The following SUCLG2 variants were observed in gnomAD, a reference collection of about 807,000 sequenced individuals.
SUCLG2 encodes the protein succinate-CoA ligase GDP-forming subunit beta.
Under a neutral mutation model 47.9 loss-of-function variants are expected in SUCLG2, and 42 were observed. The ratio of observed to expected loss-of-function variants is 0.88; its 90% confidence interval spans 0.69 to 1.14. SUCLG2 has a LOEUF of 1.14. Ranked by LOEUF, SUCLG2 falls within the 50% of genes most tolerant of loss-of-function variation. The pLI, the probability that SUCLG2 is intolerant of heterozygous loss-of-function variation, is 0.00. For missense variants in SUCLG2, 571 were observed against 525.9 expected, an observed-to-expected ratio of 1.09 and a Z score of -0.84; for synonymous variants, 195 against 197.3, an observed-to-expected ratio of 0.99 and a Z score of 0.10.
intron 10 of SUCLG2, among the ~76,000 whole-genome samples, chr3:67,365,236 G>T (rs1331093908): frequency 6.6e-6 from 1 of 152,194 alleles, no homozygotes; most frequent in East Asian, 1.9e-4. Flanking sequence ...CTGGAAACTT[G>T]AAGATATAAT....
At chr3:67,460,309 T>A (rs1296588282) in intron 9 of SUCLG2, among the ~76,000 whole-genome samples, 1 of 152,190 alleles carries the variant, frequency 6.6e-6, no homozygotes, top group Non-Finnish European at 1.5e-5. Flanking sequence ...AATAATCACA[T>A]GATAGTACAA....
chr3:67,461,775 G>A (rs1575711788), intron 9 of SUCLG2, among the ~76,000 whole-genome samples: 1 of 152,070 alleles, frequency 6.6e-6, no homozygotes, highest in African/African-American at 2.4e-5. Context: ...GAGGTAGCAT[G>A]GCCCCCAGCT....
chr3:67,631,457 G>A (rs937571093), intron 1 of SUCLG2, among the ~76,000 whole-genome samples: 9 of 151,844 alleles, frequency 5.9e-5, no homozygotes, highest in Admixed American at 2.0e-4. Context: ...GTGAAACCCC[G>A]TCTCTACCAA....
At chr3:67,540,606 G>A (rs1294178689) in intron 2 of SUCLG2, among the ~76,000 whole-genome samples, 1 of 152,174 alleles carries the variant, frequency 6.6e-6, no homozygotes, top group African/African-American at 2.4e-5. Context: ...CAGAAGGGGC[G>A]GCTGTGGGCA....
intron 9 of SUCLG2, among the ~76,000 whole-genome samples, chr3:67,422,326 T>C (rs1326223462): frequency 6.6e-6 from 1 of 150,424 alleles, no homozygotes; most frequent in Non-Finnish European, 1.5e-5. Context: ...ACAAAAAAAA[T>C]TAGCTGGGCA....
intron 10 of SUCLG2, among the ~76,000 whole-genome samples, chr3:67,384,687 GA>G (rs898009530): frequency 2.0e-5 from 3 of 152,078 alleles, no homozygotes; most frequent in African/African-American, 7.3e-5. Flanking sequence ...ATATCTAGGA[GA>G]AAAAAACCCA....
At chr3:67,441,402 T>C (rs1703760823) in intron 9 of SUCLG2, among the ~76,000 whole-genome samples, 1 of 151,920 alleles carries the variant, frequency 6.6e-6, no homozygotes, top group East Asian at 1.9e-4. Context: ...AGTGTTGTGT[T>C]GAGTCTCCTG....
At chr3:67,569,853 C>G (rs1388381883) in intron 2 of SUCLG2, among the ~76,000 whole-genome samples, 1 of 151,986 alleles carries the variant, frequency 6.6e-6, no homozygotes, top group Non-Finnish European at 1.5e-5. Flanking sequence ...ATTTTACATG[C>G]AAGAGGAAAC....
intron 9 of SUCLG2, among the ~76,000 whole-genome samples, chr3:67,460,581 C>G (rs1434055874): frequency 6.6e-6 from 1 of 152,152 alleles, no homozygotes; most frequent in Admixed American, 6.6e-5. Flanking sequence ...AATCATTCCC[C>G]TGATGAGGTC....
chr3:67,588,710 A>T (rs1359804418), intron 2 of SUCLG2, among the ~76,000 whole-genome samples: 1 of 152,208 alleles, frequency 6.6e-6, no homozygotes, highest in African/African-American at 2.4e-5. Context: ...TAAATATATG[A>T]CCACTTTTTC....
chr3:67,413,392 C>G (rs1159002532), intron 9 of SUCLG2, among the ~76,000 whole-genome samples: 1 of 152,180 alleles, frequency 6.6e-6, no homozygotes, highest in Non-Finnish European at 1.5e-5. Context: ...GTCTTCCAGT[C>G]TGTCTAAAGA....
chr3:67,654,564 T>C lies in SUCLG2; in HGVS notation c.23A>G (p.Gln8Arg). ...TAGGGCTCGCAGAAGCTTCCCGGCC[T>C]GCGCTGCTACGGGGGACGCCATCTT... Reference protein sequence around the residue: MASPVAAQAGKLLRALAL... With the variant: MASPVAARAGKLLRALAL... The change falls in exon 1 of 11, where the codon CAG (glutamine) becomes CGG (arginine). Residue 8 changes from glutamine to arginine, a missense_variant. Coordinates refer to ENST00000307227, the MANE Select transcript of SUCLG2 (RefSeq NM_003848.4). 7.9e-7 allele frequency: 1 copy of C among 1,273,714 alleles called. No homozygotes were observed. 78.9% of individuals were successfully genotyped at this position (1,273,714 alleles called of 1,614,324 possible). A position where few individuals can be genotyped will look rare whatever the true frequency, so the allele number is the denominator to read the frequency against.
chr3:67,441,248 G>T (rs1356033316), intron 9 of SUCLG2, among the ~76,000 whole-genome samples: 2 of 151,964 alleles, frequency 1.3e-5, no homozygotes, highest in Non-Finnish European at 2.9e-5. Flanking sequence ...CTAGGGGAGG[G>T]ATAGCATTAG....
chr3:67,446,886 T>C (rs1439978445), intron 9 of SUCLG2, among the ~76,000 whole-genome samples: 1 of 152,194 alleles, frequency 6.6e-6, no homozygotes, highest in Non-Finnish European at 1.5e-5. Context: ...TAAAAAAAGA[T>C]TATCTATTAA....
intron 2 of SUCLG2, among the ~76,000 whole-genome samples, chr3:67,568,259 T>C (rs1312747147): frequency 3.3e-5 from 5 of 152,186 alleles, no homozygotes; most frequent in African/African-American, 1.2e-4. Flanking sequence ...CTGAGGGGCA[T>C]GGTTTTGGGC....
At chr3:67,424,139 T>C (rs1399854670) in intron 9 of SUCLG2, among the ~76,000 whole-genome samples, 1 of 152,238 alleles carries the variant, frequency 6.6e-6, no homozygotes, top group Admixed American at 6.5e-5. Context: ...AGGAACTCTT[T>C]TGTCACTGAT....
At chr3:67,584,286 A>C (rs1707954526) in intron 2 of SUCLG2, among the ~76,000 whole-genome samples, 1 of 152,208 alleles carries the variant, frequency 6.6e-6, no homozygotes, top group South Asian at 2.1e-4. Flanking sequence ...AAGTGAAGGA[A>C]GCTCGACACA....
At chr3:67,576,600 T>C (rs1225888496) in intron 2 of SUCLG2, among the ~76,000 whole-genome samples, 2 of 152,192 alleles carry the variant, frequency 1.3e-5, no homozygotes, top group African/African-American at 4.8e-5. Flanking sequence ...AAGAACACCC[T>C]CCGCTTGAGA....
intron 9 of SUCLG2, among the ~76,000 whole-genome samples, chr3:67,446,416 CA>C (rs1559529682): frequency 1.3e-5 from 1 of 78,346 alleles, no homozygotes; most frequent in African/African-American, 5.0e-5. Flanking sequence ...TACATATGTA[CA>C]TTTTTTTTTT....
Sources: gnomAD v4.1 joint callset for allele counts (sites outside exome capture counted in the v4.1 genomes callset) on GRCh38, gnomAD v4.1.1 for gene constraint, MANE v1.5 for transcripts, NCBI Gene and HGNC (gene_info 2026-07-23, HGNC 2026-07-21) for gene names.